The following SCLT1 variants were observed in gnomAD, a reference collection of about 807,000 sequenced individuals.
SCLT1 encodes sodium channel-associated protein 1.
A neutral mutation model predicts 112.8 loss-of-function variants in SCLT1; 78 were observed. That is an observed-to-expected ratio of 0.69 (90% CI 0.58 to 0.83). The LOEUF (loss-of-function observed/expected upper bound fraction) is 0.83, where lower values mean the gene tolerates loss of function less well. Among genes scored for constraint, SCLT1 ranks in the 40% least tolerant of loss-of-function variants. The pLI is 0.00. For missense variants in SCLT1, 747 were observed against 770.4 expected (o/e 0.97, Z 0.36); for synonymous variants, 257 against 254.7 (o/e 1.01, Z -0.09).
At chr4:128,975,798 A>G (rs1403667081) in intron 9 of SCLT1, among the ~76,000 whole-genome samples, 1 of 152,204 alleles carries the variant, frequency 6.6e-6, no homozygotes, top group Non-Finnish European at 1.5e-5. Context: ...AACTTTTAAA[A>G]TCACTACTGC....
chr4:128,970,285 A>T, intron 10 of SCLT1, 93 bp downstream of exon 10: 1 of 717,162 alleles, frequency 1.4e-6, no homozygotes, highest in Non-Finnish European at 2.5e-6. Context: ...TCATCTTCTG[A>T]CAACCCTCTT....
At chr4:128,894,110 T>C (rs1268299730) in intron 18 of SCLT1, among the ~76,000 whole-genome samples, 2 of 151,976 alleles carry the variant, frequency 1.3e-5, no homozygotes. Context: ...CGGCTAGTTT[T>C]TTTGTATTTT....
chr4:129,052,630 TTAGTTTGGCTAGCAGTCTATCTA>T (rs1046148393), intron 2 of SCLT1, among the ~76,000 whole-genome samples: 19 of 152,268 alleles, frequency 1.2e-4, no homozygotes, highest in African/African-American at 4.6e-4. Context: ...TTCTTCTTTA[TTAGTTTGGCTAGCAGTCTATCTA>T]AATCATTGAT....
At chr4:129,054,331 T>C (rs565036249) in intron 2 of SCLT1, among the ~76,000 whole-genome samples, 10 of 152,140 alleles carry the variant, frequency 6.6e-5, no homozygotes, top group Non-Finnish European at 1.3e-4. Flanking sequence ...CTGGATAATA[T>C]CCTGAAGAGT....
intron 14 of SCLT1, among the ~76,000 whole-genome samples, chr4:128,949,996 A>C (rs1014387452): frequency 3.3e-5 from 5 of 152,124 alleles, no homozygotes; most frequent in African/African-American, 1.2e-4. Flanking sequence ...TTTGTGACCC[A>C]AAATTAATCA....
chr4:128,975,488 A>G (rs1213522791), intron 9 of SCLT1, among the ~76,000 whole-genome samples: 1 of 152,230 alleles, frequency 6.6e-6, no homozygotes, highest in Non-Finnish European at 1.5e-5. Context: ...GAGACTTAAC[A>G]TCAAGTACAA....
chr4:128,974,039 C>T (rs1042491486), intron 9 of SCLT1, among the ~76,000 whole-genome samples: 8 of 152,082 alleles, frequency 5.3e-5, no homozygotes, highest in African/African-American at 1.9e-4. Flanking sequence ...GTCTTAGTAT[C>T]TATAAAATGG....
intron 5 of SCLT1, among the ~76,000 whole-genome samples, chr4:129,013,796 T>A (rs947591796): frequency 5.3e-5 from 8 of 152,222 alleles, no homozygotes; most frequent in African/African-American, 1.9e-4. Context: ...GCGGATGATC[T>A]TCTTCTAACT....
intron 2 of SCLT1, among the ~76,000 whole-genome samples, chr4:129,076,669 A>G (rs1400834339): frequency 6.7e-6 from 1 of 149,652 alleles, no homozygotes; most frequent in Non-Finnish European, 1.5e-5. Flanking sequence ...TGGGTATGAA[A>G]AAAAAAGCAA....
intron 2 of SCLT1, among the ~76,000 whole-genome samples, chr4:129,051,288 T>C (rs915135617): frequency 2.0e-5 from 3 of 152,154 alleles, no homozygotes; most frequent in Non-Finnish European, 4.4e-5. Context: ...TTGAGGGGAA[T>C]AGCACTGAAT....
At chr4:128,879,533 C>T (rs958461620), downstream of SCLT1, among the ~76,000 whole-genome samples, 1 of 152,190 alleles carries the variant, frequency 6.6e-6, no homozygotes, top group Non-Finnish European at 1.5e-5. Flanking sequence ...TGCCACCTGC[C>T]AGCTATGTGA....
At chr4:129,013,432 T>C (rs781140925) in intron 5 of SCLT1, among the ~76,000 whole-genome samples, 4 of 152,218 alleles carry the variant, frequency 2.6e-5, no homozygotes, top group Non-Finnish European at 5.9e-5. Context: ...AGTGTATTTT[T>C]GTAGTGGGTG....
At chr4:129,081,816 A>G (rs1440368846) in intron 2 of SCLT1, among the ~76,000 whole-genome samples, 1 of 152,222 alleles carries the variant, frequency 6.6e-6, no homozygotes. Flanking sequence ...AGTCACCACT[A>G]ATCTACGAGC....
chr4:129,035,019 C>A (rs952134057), intron 5 of SCLT1, among the ~76,000 whole-genome samples: 1 of 152,100 alleles, frequency 6.6e-6, no homozygotes, highest in African/African-American at 2.4e-5. Flanking sequence ...ATTTTATTCA[C>A]TAATGTATCT....
At chr4:128,949,983 T>G (rs1354711625) in intron 14 of SCLT1, among the ~76,000 whole-genome samples, 1 of 67,810 alleles carries the variant, frequency 1.5e-5, no homozygotes, top group Non-Finnish European at 2.6e-5. Context: ...AAAGTAAGCT[T>G]CTTTTGTGAC....
intron 18 of SCLT1, among the ~76,000 whole-genome samples, chr4:128,906,228 C>T (rs935555669): frequency 3.3e-5 from 5 of 152,082 alleles, no homozygotes; most frequent in South Asian, 2.1e-4. Context: ...AACAGAGTCT[C>T]GCTCTGTCGC....
chr4:129,051,702 T>C (rs541657853), intron 2 of SCLT1, among the ~76,000 whole-genome samples: 5 of 152,352 alleles, frequency 3.3e-5, no homozygotes, highest in East Asian at 3.9e-4. Context: ...CTTTTCCTAA[T>C]TGAACATCCT....
At chr4:128,898,955 C>G (rs573308655) in intron 18 of SCLT1, among the ~76,000 whole-genome samples, 2 of 152,030 alleles carry the variant, frequency 1.3e-5, no homozygotes, top group African/African-American at 4.8e-5. Flanking sequence ...ACACATACAC[C>G]CTCTGAAGAC....
At chr4:128,907,121 AGT>A (rs1421486663) in intron 18 of SCLT1, among the ~76,000 whole-genome samples, 1 of 123,878 alleles carries the variant, frequency 8.1e-6, no homozygotes, top group Non-Finnish European at 1.6e-5. Context: ...TGAGATACAG[AGT>A]GTTACTAGGA....
Sources: allele counts gnomAD v4.1 joint callset (sites outside exome capture counted in the v4.1 genomes callset), GRCh38; gene constraint gnomAD v4.1.1; transcripts MANE v1.5; gene names NCBI Gene and HGNC (gene_info 2026-07-23, HGNC 2026-07-21).